SLIT2: variants seen among roughly 807,000 people sequenced by gnomAD.
SLIT2 encodes slit homolog 2 protein.
SLIT2 carries 41 observed loss-of-function variants against 185.7 expected under a neutral mutation model. The ratio of observed to expected loss-of-function variants is 0.22; its 90% confidence interval spans 0.17 to 0.29. SLIT2 has a LOEUF of 0.29. SLIT2 is among the 10% of genes least tolerant of loss of function. The pLI, the probability that SLIT2 is intolerant of heterozygous loss-of-function variation, is 1.00. For missense variants in SLIT2, 1,571 were observed against 1,909.0 expected (o/e 0.82, Z 3.30); for synonymous variants, 693 against 680.2 (o/e 1.02, Z -0.29).
intron 4 of SLIT2, among the ~76,000 whole-genome samples, chr4:20,365,729 T>C (rs1244683067): frequency 6.6e-6 from 1 of 152,152 alleles, no homozygotes; most frequent in East Asian, 1.9e-4. Context: ...ACACTGCTTT[T>C]CACTCGCACG....
intron 11 of SLIT2, among the ~76,000 whole-genome samples, chr4:20,517,895 ATGT>A (rs1720355195): frequency 6.6e-6 from 1 of 151,796 alleles, no homozygotes; most frequent in South Asian, 2.1e-4. Context: ...TTTTCTTTAT[ATGT>A]TATGGCAGCC....
At chr4:20,345,602 C>A (rs1449136562) in intron 4 of SLIT2, among the ~76,000 whole-genome samples, 1 of 134,080 alleles carries the variant, frequency 7.5e-6, no homozygotes, top group Non-Finnish European at 1.5e-5. Context: ...GTGGCGTGAT[C>A]TTGGCTCACG....
intron 26 of SLIT2, among the ~76,000 whole-genome samples, chr4:20,565,603 T>C (rs1362535252): frequency 6.6e-6 from 1 of 151,946 alleles, no homozygotes; most frequent in Non-Finnish European, 1.5e-5. Flanking sequence ...ACTTCAGAAT[T>C]AATGCCAGCA....
At chr4:20,261,751 G>T (rs978294453) in intron 3 of SLIT2, among the ~76,000 whole-genome samples, 1 of 151,796 alleles carries the variant, frequency 6.6e-6, no homozygotes, top group East Asian at 1.9e-4. Flanking sequence ...AGGTTATGTT[G>T]GTAAGAATCA....
At chr4:20,413,884 T>TAA (rs1339582229) in intron 4 of SLIT2, among the ~76,000 whole-genome samples, 1 of 152,064 alleles carries the variant, frequency 6.6e-6, no homozygotes, top group Non-Finnish European at 1.5e-5. Flanking sequence ...CTCTGCCTTT[T>TAA]GATTTCATTA....
At chr4:20,306,713 T>C (rs12641426) in intron 4 of SLIT2, among the ~76,000 whole-genome samples, 107,169 of 151,898 alleles carry the variant, frequency 0.71, 38,144 homozygotes, top group East Asian at 0.93. Context: ...TGCCTTTGCC[T>C]GGACTGTACT....
intron 4 of SLIT2, among the ~76,000 whole-genome samples, chr4:20,299,069 C>A (rs1716790598): frequency 6.6e-6 from 1 of 152,038 alleles, no homozygotes; most frequent in Non-Finnish European, 1.5e-5. Flanking sequence ...TGTAATTTGA[C>A]ATTTATCTCA....
intron 25 of SLIT2, among the ~76,000 whole-genome samples, chr4:20,551,183 T>C (rs1035215133): frequency 1.3e-5 from 2 of 152,214 alleles, no homozygotes; most frequent in Non-Finnish European, 2.9e-5. Context: ...GCTTTTTCTC[T>C]CATTATTATC....
At chr4:20,365,284 A>T (rs976004223) in intron 4 of SLIT2, among the ~76,000 whole-genome samples, 4 of 152,142 alleles carry the variant, frequency 2.6e-5, no homozygotes, top group African/African-American at 9.7e-5. Flanking sequence ...GTGTTGATAT[A>T]AGAAAAAGTC....
chr4:20,533,321 T>G (rs949956935), intron 17 of SLIT2: 18 of 384,504 alleles, frequency 4.7e-5, no homozygotes, highest in Non-Finnish European at 7.9e-5. Flanking sequence ...TCAAGAATTT[T>G]ATACTCCTGG....
intron 4 of SLIT2, among the ~76,000 whole-genome samples, chr4:20,339,090 CAAAAAAAAAAA>C (rs398051113): frequency 1.4e-5 from 1 of 70,752 alleles, no homozygotes; most frequent in Non-Finnish European, 2.5e-5. Context: ...GAGACACTCT[CAAAAAAAAAAA>C]AAAAAAAAAA....
intron 26 of SLIT2, among the ~76,000 whole-genome samples, chr4:20,562,173 C>T (rs1291156391): frequency 1.3e-5 from 2 of 151,856 alleles, no homozygotes; most frequent in Non-Finnish European, 2.9e-5. Context: ...GAAACTAGAA[C>T]ACCAGTATCT....
At chr4:20,519,533 C>T (rs912851324) in intron 12 of SLIT2, 80 bp downstream of exon 12, 12 of 830,690 alleles carry the variant, frequency 1.4e-5, no homozygotes, top group Middle Eastern at 2.3e-4. Flanking sequence ...TTTATGGAGG[C>T]CTTGGAAAAA....
intron 4 of SLIT2, among the ~76,000 whole-genome samples, chr4:20,456,180 G>A (rs985840528): frequency 6.5e-5 from 7 of 107,808 alleles, no homozygotes; most frequent in Admixed American, 9.8e-5. Flanking sequence ...TAGGTCTTGT[G>A]AATGAAGGGT....
At chr4:20,393,885 A>C (rs1234512689) in intron 4 of SLIT2, among the ~76,000 whole-genome samples, 2 of 152,058 alleles carry the variant, frequency 1.3e-5, no homozygotes, top group East Asian at 3.9e-4. Flanking sequence ...CACTGGCTGT[A>C]TTGGTGATCA....
intron 9 of SLIT2, among the ~76,000 whole-genome samples, chr4:20,497,299 G>GTAAAAACCTTCAATTGTGAAGTGGC (rs1406009932): frequency 9.9e-5 from 15 of 151,434 alleles, no homozygotes; most frequent in African/African-American, 3.2e-4. Context: ...TAGAAATTTT[G>GTAAAAACCTTCAATTGTGAAGTGGC]TAAAAACCTT....
Position 20,506,616 on chromosome 4 carries a change from G to A in SLIT2, c.915-3879G>A, listed in dbSNP as rs6841689. On this transcript the variant is annotated intron_variant, in intron 9 of 36. Transcript: ENST00000504154. ...TTTTGTAGGACAAAGGACATCATTTGAGATGTGTGTTGGGTTTAGTTTATC... is the reference window on the plus strand; with the variant it reads ...TTTTGTAGGACAAAGGACATCATTTAAGATGTGTGTTGGGTTTAGTTTATC... Among the ~76,000 whole-genome samples, 491 of 152,006 alleles carry A rather than the reference G, an allele frequency of 3.2e-3. 2 individuals are homozygous for A. Among genetic ancestry groups the A allele is most frequent in the African/African-American group, 0.011 (474 of 41,520 alleles).
intron 4 of SLIT2, among the ~76,000 whole-genome samples, chr4:20,388,230 T>A (rs943807989): frequency 2.0e-5 from 3 of 152,104 alleles, no homozygotes; most frequent in African/African-American, 4.8e-5. Context: ...AATTTAAATC[T>A]TCTAGTCTTT....
At chr4:20,567,152 T>G (rs1326646905) in intron 26 of SLIT2, 110 bp from the exon 27 acceptor site, 1 of 973,762 alleles carries the variant, frequency 1.0e-6, no homozygotes, top group African/African-American at 1.6e-5. Context: ...CATATAGATA[T>G]GTGACCAATA....
Sources: gnomAD v4.1 joint callset for allele counts (sites outside exome capture counted in the v4.1 genomes callset) on GRCh38, gnomAD v4.1.1 for gene constraint, MANE v1.5 for transcripts, NCBI Gene and HGNC (gene_info 2026-07-23, HGNC 2026-07-21) for gene names.